The following MAGI2 variants were observed in gnomAD, a reference collection of about 807,000 sequenced individuals.
The protein encoded by MAGI2 is membrane-associated guanylate kinase, WW and PDZ domain-containing protein 2.
In MAGI2, 35 loss-of-function variants were observed where a neutral mutation model predicts 133.3. That is an observed-to-expected ratio of 0.26 (90% CI 0.20 to 0.35). The LOEUF is 0.35. Among genes scored for constraint, MAGI2 ranks in the 10% least tolerant of loss-of-function variants. The probability of loss-of-function intolerance (pLI) is 1.00; values close to 1 mark genes in which losing one functional copy is unlikely to be tolerated. For synonymous variants in MAGI2, 729 were observed against 710.6 expected (o/e 1.03, Z -0.41); for missense variants, 1,636 against 1,863.4 (o/e 0.88, Z 2.25).
At chr7:78,327,121 T>C (rs1321367995) in intron 9 of MAGI2, among the ~76,000 whole-genome samples, 4 of 152,188 alleles carry the variant, frequency 2.6e-5, no homozygotes, top group African/African-American at 9.6e-5. Context: ...TCCTGCCACA[T>C]TGGAGCACTG....
intron 1 of MAGI2, among the ~76,000 whole-genome samples, chr7:79,306,262 T>G (rs962980317): frequency 1.4e-5 from 2 of 147,150 alleles, no homozygotes; most frequent in African/African-American, 4.9e-5. Context: ...TATTTATATT[T>G]ATATATATTT....
At chr7:78,804,053 A>G (rs548254150) in intron 2 of MAGI2, among the ~76,000 whole-genome samples, 2 of 152,302 alleles carry the variant, frequency 1.3e-5, no homozygotes, top group South Asian at 2.1e-4. Flanking sequence ...TTTATATTGC[A>G]TTTCTCACTG....
chr7:79,016,262 A>T (rs556005737), intron 1 of MAGI2, among the ~76,000 whole-genome samples: 3 of 152,098 alleles, frequency 2.0e-5, no homozygotes, highest in African/African-American at 7.2e-5. Context: ...GCCTAAGAAA[A>T]CTGTTGGACC....
intron 2 of MAGI2, among the ~76,000 whole-genome samples, chr7:78,936,688 T>G (rs922496487): frequency 6.6e-6 from 1 of 152,062 alleles, no homozygotes; most frequent in Non-Finnish European, 1.5e-5. Context: ...ATTCTGAAAC[T>G]ATATAATGTG....
At chr7:79,346,111 G>T (rs550685713) in intron 1 of MAGI2, among the ~76,000 whole-genome samples, 4 of 152,140 alleles carry the variant, frequency 2.6e-5, no homozygotes, top group African/African-American at 9.6e-5. Flanking sequence ...TGAGGGAAAA[G>T]TAATATCCAA....
At chr7:79,452,800 GCAAA>G (rs536380671) in intron 1 of MAGI2, 38 of 564,264 alleles carry the variant, frequency 6.7e-5, no homozygotes, top group Non-Finnish European at 1.1e-4. Context: ...GTCTAACTGA[GCAAA>G]CAAAGTTGCA....
At chr7:78,782,166 G>T (rs959397457) in intron 2 of MAGI2, among the ~76,000 whole-genome samples, 1 of 152,144 alleles carries the variant, frequency 6.6e-6, no homozygotes, top group Non-Finnish European at 1.5e-5. Flanking sequence ...GGAGAACGTC[G>T]GCAATTAAGC....
intron 2 of MAGI2, among the ~76,000 whole-genome samples, chr7:78,886,460 G>A (rs996580502): frequency 6.6e-6 from 1 of 152,172 alleles, no homozygotes; most frequent in Non-Finnish European, 1.5e-5. Context: ...CTGATTGACT[G>A]ACCAAGTCAT....
At chr7:78,369,721 T>A (rs1793733192) in intron 6 of MAGI2, among the ~76,000 whole-genome samples, 2 of 152,050 alleles carry the variant, frequency 1.3e-5, no homozygotes, top group African/African-American at 4.8e-5. Context: ...GGGTCAGAAT[T>A]TGAATGCTGC....
intron 1 of MAGI2, among the ~76,000 whole-genome samples, chr7:79,322,551 CA>C (rs1839268523): frequency 6.6e-6 from 1 of 151,834 alleles, no homozygotes; most frequent in African/African-American, 2.4e-5. Flanking sequence ...TTTGGGAGGC[CA>C]AGGTGGGCAG....
chr7:78,367,397 G>A (rs564443687), intron 7 of MAGI2, among the ~76,000 whole-genome samples: 6 of 152,290 alleles, frequency 3.9e-5, no homozygotes, highest in East Asian at 3.9e-4. Flanking sequence ...AAAAACAACC[G>A]GAAGAATTAA....
chr7:79,098,732 C>G (rs562093850), intron 1 of MAGI2, among the ~76,000 whole-genome samples: 37 of 152,304 alleles, frequency 2.4e-4, no homozygotes, highest in African/African-American at 8.9e-4. Flanking sequence ...TTGACATACA[C>G]CATAATTAAG....
chr7:78,258,177 G>A (rs188762356), intron 9 of MAGI2, among the ~76,000 whole-genome samples: 34 of 152,278 alleles, frequency 2.2e-4, no homozygotes, highest in African/African-American at 8.2e-4. Context: ...AGAGGGTACT[G>A]ATGTGGTGGC....
intron 1 of MAGI2, among the ~76,000 whole-genome samples, chr7:79,067,680 A>C (rs1814506987): frequency 6.6e-6 from 1 of 152,090 alleles, no homozygotes; most frequent in Non-Finnish European, 1.5e-5. Flanking sequence ...CTTGTCTTGT[A>C]CCAGTTTTCA....
chr7:79,368,415 A>C (rs1453928033), intron 1 of MAGI2, among the ~76,000 whole-genome samples: 3 of 152,142 alleles, frequency 2.0e-5, no homozygotes, highest in Non-Finnish European at 4.4e-5. Flanking sequence ...CTTCAGATCA[A>C]TCAAGTCCTT....
chr7:79,138,672 G>A (rs958633293), intron 1 of MAGI2, among the ~76,000 whole-genome samples: 5 of 152,028 alleles, frequency 3.3e-5, no homozygotes, highest in African/African-American at 1.2e-4. Flanking sequence ...ATGCCCTAAG[G>A]GTGGGGCCAT....
rs182659295 is a variant in MAGI2 at position 78,535,419 on chromosome 7, G to C, written c.539-13774C>G. Among the ~76,000 whole-genome samples, 548 of 152,296 alleles carry C rather than the reference G, an allele frequency of 3.6e-3. 4 individuals are homozygous for C. Among genetic ancestry groups the C allele is most frequent in the African/African-American group, 0.013 (522 of 41,572 alleles). ...TAAAACAGATGTCAGGCTGCAGGGT[G>C]TAAGATGGATTGGAGGCAGCAAGAG... On this transcript the variant is annotated intron_variant, in intron 3 of 21. Transcript: ENST00000354212.
At chr7:79,384,099 C>T (rs1844007556) in intron 1 of MAGI2, among the ~76,000 whole-genome samples, 2 of 136,232 alleles carry the variant, frequency 1.5e-5, no homozygotes, top group Non-Finnish European at 3.1e-5. Context: ...ATGTATTCAC[C>T]TAACATTATA....
intron 16 of MAGI2, among the ~76,000 whole-genome samples, chr7:78,142,923 C>A (rs1409286900): frequency 6.6e-6 from 1 of 152,154 alleles, no homozygotes; most frequent in African/African-American, 2.4e-5. Context: ...CCAACTTGTA[C>A]AATAACTAGC....
Sources: allele counts gnomAD v4.1 joint callset (sites outside exome capture counted in the v4.1 genomes callset), GRCh38; gene constraint gnomAD v4.1.1; transcripts MANE v1.5; gene names NCBI Gene and HGNC (gene_info 2026-07-23, HGNC 2026-07-21).